SCAI: variants seen among roughly 807,000 people sequenced by gnomAD.
SCAI encodes the protein suppressor of cancer cell invasion.
SCAI carries 24 observed loss-of-function variants against 92.2 expected under a neutral mutation model. The ratio of observed to expected loss-of-function variants is 0.26; its 90% confidence interval spans 0.19 to 0.37. SCAI has a LOEUF of 0.37. Ranked by LOEUF, SCAI falls within the 10% of genes least tolerant of loss-of-function variation. SCAI has a pLI of 1.00. For synonymous variants in SCAI, 261 were observed against 258.6 expected, an observed-to-expected ratio of 1.01 and a Z score of -0.09; for missense variants, 450 against 736.2, an observed-to-expected ratio of 0.61 and a Z score of 4.50.
At position 125,111,664 on chromosome 9, in the gene SCAI, T is replaced by C. The variant is rs570489817; in HGVS notation, c.98+30969A>G. On this transcript the variant is annotated intron_variant, in intron 2 of 17. Coordinates refer to ENST00000336505, the MANE Select transcript of SCAI (RefSeq NM_001144877.3). ...CAGTGTGGCCCAGGGAAGCCAAAGA[T>C]TGTACATCCCTGGACTAAATAGTGG... is the stretch of plus-strand genomic sequence containing the variant. Among the ~76,000 whole-genome samples the C allele has an allele frequency of 1.4e-4, 21 of 152,154 alleles. No homozygotes were observed. The East Asian group carries it at 3.9e-3, about 28-fold the overall frequency.
chr9:125,121,270 G>A (rs1835150949), intron 2 of SCAI, among the ~76,000 whole-genome samples: 1 of 148,128 alleles, frequency 6.8e-6, no homozygotes, highest in Non-Finnish European at 1.5e-5. Context: ...TTTATGGGTG[G>A]AGAGAACAAT....
intron 15 of SCAI, among the ~76,000 whole-genome samples, chr9:124,975,048 T>C (rs1831728438): frequency 6.6e-6 from 1 of 152,172 alleles, no homozygotes; most frequent in African/African-American, 2.4e-5. Flanking sequence ...ATAGGACAGA[T>C]TGATAGCAAA....
rs368187826 is a variant in SCAI, at chr9:125,053,650, G to T, written c.230+2226C>A. 6.6e-5 allele frequency among the ~76,000 whole-genome samples: 10 copies of T among 152,216 alleles called. No homozygotes were observed. The South Asian group carries it at 1.0e-3, about 16-fold the overall frequency. ...AAAAAATTAGATTGGTGGTTGTCAG[G>T]GGTTAGGATTTGGAAGAATGTAGAA... On this transcript the variant is annotated intron_variant, in intron 3 of 17. Coordinates refer to ENST00000336505, the MANE Select transcript of SCAI (RefSeq NM_001144877.3).
chr9:125,054,092 A>C (rs1364192335), intron 3 of SCAI, among the ~76,000 whole-genome samples: 4 of 152,062 alleles, frequency 2.6e-5, no homozygotes, highest in Admixed American at 6.6e-5. Context: ...CTCTCACCTC[A>C]GTCTCCCGAG....
intron 9 of SCAI, among the ~76,000 whole-genome samples, chr9:125,008,134 C>T (rs539111327): frequency 1.3e-5 from 2 of 150,120 alleles, no homozygotes; most frequent in African/African-American, 4.9e-5. Context: ...CGTGAGCCAC[C>T]GTGCCCGGCC....
intron 2 of SCAI, among the ~76,000 whole-genome samples, chr9:125,107,523 C>G (rs1023944858): frequency 2.6e-5 from 4 of 152,206 alleles, no homozygotes; most frequent in African/African-American, 9.6e-5. Flanking sequence ...CCTAGCTATT[C>G]AGGAGGCTGA....
chr9:124,957,512 G>A (rs1175905750), intron 17 of SCAI, among the ~76,000 whole-genome samples: 1 of 144,158 alleles, frequency 6.9e-6, no homozygotes, highest in African/African-American at 2.6e-5. Flanking sequence ...ACAGGCATAC[G>A]CCACCACACC....
chr9:124,988,341 T>C (rs927961599), intron 14 of SCAI, among the ~76,000 whole-genome samples: 10 of 151,944 alleles, frequency 6.6e-5, no homozygotes, highest in Non-Finnish European at 1.0e-4. Context: ...GGGATTATGA[T>C]ACTCTCAGGG....
chr9:125,092,131 TAAAA>T (rs71374225), intron 2 of SCAI, among the ~76,000 whole-genome samples: 1 of 61,144 alleles, frequency 1.6e-5, no homozygotes. Flanking sequence ...CTCCGTCTCT[TAAAA>T]AAAAAAAAAA....
chr9:125,126,593 A>T (rs1382659789), intron 2 of SCAI, among the ~76,000 whole-genome samples: 4 of 143,350 alleles, frequency 2.8e-5, no homozygotes, highest in East Asian at 2.3e-4. Context: ...TGTGTGTGAG[A>T]GAGAGAGAGA....
At chr9:125,130,544 T>C (rs1306039625) in intron 2 of SCAI, among the ~76,000 whole-genome samples, 1 of 152,130 alleles carries the variant, frequency 6.6e-6, no homozygotes, top group East Asian at 1.9e-4. Flanking sequence ...AGATGGAGTC[T>C]GGCTCTGTTG....
chr9:124,969,517 C>T (rs535093929), intron 17 of SCAI, among the ~76,000 whole-genome samples: 4 of 152,242 alleles, frequency 2.6e-5, no homozygotes, highest in African/African-American at 9.6e-5. Context: ...AAGAGAAAAA[C>T]AGAACACATA....
At chr9:124,968,206 C>T (rs765300030) in intron 17 of SCAI, 65 of 802,206 alleles carry the variant, frequency 8.1e-5, no homozygotes, top group Non-Finnish European at 1.1e-4. Context: ...AAACAAAAAA[C>T]GAAAAACAAA....
intron 17 of SCAI, among the ~76,000 whole-genome samples, chr9:124,966,972 G>A (rs1212071331): frequency 2.7e-5 from 4 of 148,722 alleles, no homozygotes; most frequent in African/African-American, 9.9e-5. Context: ...CATTGGAAAA[G>A]CCTTTGCTAC....
intron 2 of SCAI, among the ~76,000 whole-genome samples, chr9:125,084,709 A>T (rs765205431): frequency 2.7e-4 from 41 of 152,224 alleles, no homozygotes; most frequent in African/African-American, 9.9e-4. Flanking sequence ...TGTGTCTACA[A>T]TCATCAAAGC....
intron 3 of SCAI, among the ~76,000 whole-genome samples, chr9:125,046,325 ACAC>A (rs1833440264): frequency 2.4e-5 from 1 of 41,902 alleles, no homozygotes; most frequent in Non-Finnish European, 4.5e-5. Context: ...ATACACACAC[ACAC>A]ACACATATAT....
At chr9:124,982,180 T>A (rs147574545) in intron 14 of SCAI, among the ~76,000 whole-genome samples, 69 of 152,326 alleles carry the variant, frequency 4.5e-4, no homozygotes, top group African/African-American at 1.4e-3. Flanking sequence ...CTAGGCTTCA[T>A]AGATCTTAAT....
Position 125,018,833 on chromosome 9 carries a change from G to C in SCAI, c.827C>G (p.Ala276Gly), listed in dbSNP as rs1832814045. Residue 276 changes from alanine (A) to glycine (G), a missense_variant, in exon 9 of 18, where the codon GCT becomes GGT. Around this residue, in one of 3 missense-constraint regions of SCAI, gnomAD observed 360 missense variants for 601.8 expected, o/e 0.60. Transcript: ENST00000336505. ...ACAATTACCAATAATGAGTGCGTCA[G>C]CCAGAGACAACTGTCCCACAATCAT... ...QGMIVGQLSLADALIIGNCNN... is the reference protein window; with the variant it reads ...QGMIVGQLSLGDALIIGNCNN... 3 of 1,612,864 alleles carry C rather than the reference G, an allele frequency of 1.9e-6. No homozygotes were observed. The highest frequency in any genetic ancestry group is 8.5e-7 in the Non-Finnish European group (1 of 1,179,676).
rs1003504995 is a variant in SCAI at position 125,114,856 on chromosome 9, C to T, written c.98+27777G>A. ...TGGCATGATCTCAGCTCACTGCAAC[C>T]TCCATCTCCCAGGTTCAAGCAATTC... On this transcript the variant is annotated intron_variant, in intron 2 of 17. Coordinates refer to ENST00000336505, the MANE Select transcript of SCAI (RefSeq NM_001144877.3). Among the ~76,000 whole-genome samples, 6 of 150,860 alleles carry T rather than the reference C, an allele frequency of 4.0e-5. No individual in the cohort carries two copies. In the East Asian group the frequency reaches 9.8e-4, roughly 25 times the overall value.
Sources: gnomAD v4.1 joint callset for allele counts (sites outside exome capture counted in the v4.1 genomes callset) on GRCh38, gnomAD v4.1.1 for gene constraint, gnomAD v4.1.1 regional missense constraint, MANE v1.5 for transcripts, NCBI Gene and HGNC (gene_info 2026-07-23, HGNC 2026-07-21) for gene names.